Variants in SPMIP4 observed in about 807,000 individuals in gnomAD.
The protein encoded by SPMIP4 is sperm-associated microtubule inner protein 4.
the SPMIP4 span, among the ~76,000 whole-genome samples, chr7:25,156,191 G>A: frequency 6.6e-6 from 1 of 152,100 alleles, no homozygotes; most frequent in Non-Finnish European, 1.5e-5. Flanking sequence ...GGCAGAGATC[G>A]GGATGATGCA....
At chr7:25,159,701 A>G in the SPMIP4 span, among the ~76,000 whole-genome samples, 8 of 152,196 alleles carry the variant, frequency 5.3e-5, no homozygotes, top group Non-Finnish European at 1.2e-4. Context: ...ATGAACTATA[A>G]AAGTTTATAT....
chr7:25,141,957 C>G, the SPMIP4 span, among the ~76,000 whole-genome samples: 5 of 152,110 alleles, frequency 3.3e-5, no homozygotes, highest in Admixed American at 6.6e-5. Flanking sequence ...AGGCTGGTCT[C>G]GAACTCCTGA....
At chr7:25,154,446 G>A in the SPMIP4 span, among the ~76,000 whole-genome samples, 2 of 152,186 alleles carry the variant, frequency 1.3e-5, no homozygotes, top group Admixed American at 6.5e-5. Flanking sequence ...GGAGAGATTC[G>A]ATGACTAGTG....
the SPMIP4 span, chr7:25,142,832 A>C: frequency 6.7e-7 from 1 of 1,485,934 alleles, no homozygotes; most frequent in Non-Finnish European, 8.9e-7. Flanking sequence ...ATGAACATAA[A>C]GATTACTGCT....
At chr7:25,180,104 G>A in the SPMIP4 span, 1 of 152,336 alleles carries the variant, frequency 6.6e-6, no homozygotes, top group African/African-American at 2.4e-5. Context: ...CAGGGGCGGG[G>A]GCGGGAGAAG....
chr7:25,162,078 C>T, the SPMIP4 span, among the ~76,000 whole-genome samples: 5 of 151,686 alleles, frequency 3.3e-5, no homozygotes, highest in African/African-American at 1.2e-4. Context: ...CGAGACTAGC[C>T]TGGCCAACAC....
chr7:25,153,449 A>C, the SPMIP4 span, among the ~76,000 whole-genome samples: 2 of 151,774 alleles, frequency 1.3e-5, no homozygotes, highest in African/African-American at 2.4e-5. Context: ...GCACGTGCCT[A>C]TAGTCCCTGC....
the SPMIP4 span, among the ~76,000 whole-genome samples, chr7:25,126,571 CACTTTA>C: frequency 6.6e-6 from 1 of 152,266 alleles, no homozygotes; most frequent in Admixed American, 6.5e-5. Context: ...AAAAACTCTG[CACTTTA>C]ACTTCACTCT....
chr7:25,173,055 G>T, the SPMIP4 span, among the ~76,000 whole-genome samples: 6 of 151,000 alleles, frequency 4.0e-5, no homozygotes, highest in South Asian at 2.1e-4. The surrounding 1 kb of genome is among the most constrained non-coding windows in gnomAD (Gnocchi z 4.4). Flanking sequence ...GGGAGGGAGA[G>T]AGAGGGGGAG....
chr7:25,147,180 G>C, the SPMIP4 span, among the ~76,000 whole-genome samples: 28 of 152,304 alleles, frequency 1.8e-4, no homozygotes, highest in African/African-American at 6.5e-4. Flanking sequence ...TGTGGGCTTA[G>C]GTACTCTGGA....
the SPMIP4 span, chr7:25,168,615 T>C: frequency 1.6e-6 from 1 of 642,156 alleles, no homozygotes; most frequent in Admixed American, 3.7e-5. Flanking sequence ...TAGATTATGA[T>C]ACTGGTTATT....
chr7:25,179,341 G>T, the SPMIP4 span: 112 of 1,592,074 alleles, frequency 7.0e-5, no homozygotes, highest in Non-Finnish European at 9.6e-5. Context: ...ACCTGGAAAA[G>T]AAAAGGAGGG....
the SPMIP4 span, among the ~76,000 whole-genome samples, chr7:25,159,946 G>A: frequency 6.6e-6 from 1 of 150,834 alleles, no homozygotes; most frequent in African/African-American, 2.4e-5. Context: ...ATATTGATAA[G>A]CATATGCCTA....
the SPMIP4 span, among the ~76,000 whole-genome samples, chr7:25,149,718 A>G: frequency 1.3e-5 from 2 of 152,228 alleles, no homozygotes; most frequent in South Asian, 4.1e-4. Flanking sequence ...GGGAGATATC[A>G]TTTCTGCTGC....
the SPMIP4 span, among the ~76,000 whole-genome samples, chr7:25,131,622 C>G: frequency 9.5e-4 from 145 of 152,302 alleles, 2 homozygotes; most frequent in East Asian, 0.026. This position sits in a 1 kb window ranked among gnomAD's most constrained non-coding sequence, Gnocchi z 4.2. Context: ...AGGCCACTTC[C>G]AAAATGGCAG....
chr7:25,136,286 G>A, the SPMIP4 span: 6 of 1,613,940 alleles, frequency 3.7e-6, no homozygotes, highest in African/African-American at 5.3e-5. This position sits in a 1 kb window ranked among gnomAD's most constrained non-coding sequence, Gnocchi z 5.7. Context: ...AAAACACTAG[G>A]TTTACTAAGG....
At chr7:25,179,058 C>A in the SPMIP4 span, 3 of 1,222,680 alleles carry the variant, frequency 2.5e-6, no homozygotes, top group Non-Finnish European at 3.3e-6. Context: ...AACAAACAAA[C>A]AAACAAACAA....
the SPMIP4 span, among the ~76,000 whole-genome samples, chr7:25,145,283 AT>A: frequency 6.6e-6 from 1 of 152,174 alleles, no homozygotes; most frequent in African/African-American, 2.4e-5. Context: ...TTTTAAAAAA[AT>A]ATTGTTCTAT....
chr7:25,140,463 G>A, the SPMIP4 span, among the ~76,000 whole-genome samples: 1 of 152,070 alleles, frequency 6.6e-6, no homozygotes, highest in South Asian at 2.1e-4. Flanking sequence ...CACCATGCCC[G>A]GTTAATTTTT....
Sources: allele counts gnomAD v4.1 joint callset (sites outside exome capture counted in the v4.1 genomes callset), GRCh38; gene constraint gnomAD v4.1.1; non-coding constraint Gnocchi (gnomAD v3.1); transcripts MANE v1.5; gene names NCBI Gene and HGNC (gene_info 2026-07-23, HGNC 2026-07-21).